The following SYNPO2 variants were observed in gnomAD, a reference collection of about 807,000 sequenced individuals.
SYNPO2 encodes synaptopodin-2.
SYNPO2 carries 56 observed loss-of-function variants against 85.0 expected under a neutral mutation model. The ratio of observed to expected loss-of-function variants is 0.66; its 90% CI spans 0.53 to 0.82. The LOEUF (loss-of-function observed/expected upper bound fraction) is 0.82, where lower values mean the gene tolerates loss of function less well. SYNPO2 is among the 40% of genes least tolerant of loss of function. The probability of loss-of-function intolerance (pLI) is 0.00; values close to 1 mark genes in which losing one functional copy is unlikely to be tolerated. For synonymous variants in SYNPO2, 602 were observed against 591.1 expected (o/e 1.02, Z -0.27); for missense variants, 1,575 against 1,534.2 (o/e 1.03, Z -0.44).
At chr4:118,937,035 C>A (rs1231970913) in intron 1 of SYNPO2, among the ~76,000 whole-genome samples, 3 of 152,174 alleles carry the variant, frequency 2.0e-5, no homozygotes, top group African/African-American at 7.2e-5. Context: ...GGGACTCCTG[C>A]AATGACCCCC....
chr4:118,900,289 G>A (rs1270190222), intron 1 of SYNPO2, among the ~76,000 whole-genome samples: 3 of 152,070 alleles, frequency 2.0e-5, no homozygotes, highest in Non-Finnish European at 4.4e-5. Context: ...TAAAATATAT[G>A]TCAGGTGACC....
At chr4:118,966,488 C>G (rs1306792294) in intron 1 of SYNPO2, among the ~76,000 whole-genome samples, 1 of 152,100 alleles carries the variant, frequency 6.6e-6, no homozygotes, top group Non-Finnish European at 1.5e-5. Context: ...AGGACTTCTT[C>G]TATATAATCT....
intron 1 of SYNPO2, among the ~76,000 whole-genome samples, chr4:118,998,350 CAA>C (rs1035620416): frequency 1.3e-5 from 2 of 152,062 alleles, no homozygotes; most frequent in Non-Finnish European, 2.9e-5. Flanking sequence ...GGTGAACAAA[CAA>C]AAGAGAATTA....
At position 119,059,739 on chromosome 4, in the gene SYNPO2, G is replaced by A. The variant is rs1739348067; in HGVS notation, c.*1805G>A. 1 of 150,340 alleles carries A rather than the reference G, an allele frequency of 6.7e-6. No individual in the cohort carries two copies. The highest frequency in any genetic ancestry group is 6.6e-5 in the Admixed American group (1 of 15,142). 9.3% of individuals were successfully genotyped at this position (150,340 alleles called of 1,614,324 possible). On this transcript the variant is annotated 3_prime_UTR_variant, in exon 5 of 5. Coordinates refer to ENST00000307142, the MANE Select transcript of SYNPO2 (RefSeq NM_133477.3). Reference sequence around the variant, plus strand: ...GTGCAAGTGACCAAGGCCTTATCTTGAAAGTTAAAAAAAAAAAGTAAAGAA... The same window carrying A: ...GTGCAAGTGACCAAGGCCTTATCTTAAAAGTTAAAAAAAAAAAGTAAAGAA...
At position 118,896,930 on chromosome 4, in the gene SYNPO2, A is replaced by G. The variant is rs562069996; in HGVS notation, c.105+7789A>G. On this transcript the variant is annotated intron_variant, in intron 1 of 4. Coordinates refer to ENST00000307142, the MANE Select transcript of SYNPO2 (RefSeq NM_133477.3). Reference sequence around the variant, plus strand: ...ACAAATGACTAGCTTCTCCTCTTGTATTTTGAAGCAGTGTGGGTGCTGGAT... The same window carrying G: ...ACAAATGACTAGCTTCTCCTCTTGTGTTTTGAAGCAGTGTGGGTGCTGGAT... Among the ~76,000 whole-genome samples the G allele has an allele frequency of 9.2e-5, 14 of 151,700 alleles. No homozygotes were observed. The South Asian group carries it at 2.1e-3, about 23-fold the overall frequency.
Position 118,900,914 on chromosome 4 carries a change from A to T in SYNPO2, c.105+11773A>T, listed in dbSNP as rs555803621. Among the ~76,000 whole-genome samples, 341 of 151,848 alleles carry T rather than the reference A, an allele frequency of 2.2e-3. 1 individual carries two copies. Among genetic ancestry groups the T allele is most frequent in the Non-Finnish European group, 3.4e-3 (233 of 67,912 alleles). Reference sequence around the variant, plus strand: ...ATACTTTTGAGAACTTATCTCCAGTATCTTTCTTTCTTGGATTCCCAGAGA... The same window carrying T: ...ATACTTTTGAGAACTTATCTCCAGTTTCTTTCTTTCTTGGATTCCCAGAGA... On this transcript the variant is annotated intron_variant, in intron 1 of 4. Coordinates refer to ENST00000307142, the MANE Select transcript of SYNPO2 (RefSeq NM_133477.3).
intron 4 of SYNPO2, chr4:119,033,573 G>A: frequency 1.0e-6 from 1 of 985,410 alleles, no homozygotes; most frequent in Non-Finnish European, 1.2e-6. Flanking sequence ...CTCTATGCAG[G>A]AGATATGTTT....
At chr4:119,024,291 T>G (rs1336939070) in intron 2 of SYNPO2, among the ~76,000 whole-genome samples, 2 of 152,186 alleles carry the variant, frequency 1.3e-5, no homozygotes, top group East Asian at 3.9e-4. Flanking sequence ...CACAGTACAA[T>G]CCATACTGAT....
chr4:119,050,550 C>T (rs139819648), intron 4 of SYNPO2, among the ~76,000 whole-genome samples: 8 of 152,194 alleles, frequency 5.3e-5, no homozygotes, highest in East Asian at 1.9e-4. Flanking sequence ...GGGGTTGTGA[C>T]GATTACGTGA....
intron 1 of SYNPO2, among the ~76,000 whole-genome samples, chr4:119,014,953 C>T (rs767677270): frequency 1.4e-4 from 22 of 152,190 alleles, no homozygotes; most frequent in Non-Finnish European, 2.9e-5. Context: ...CAGTACCCTA[C>T]TACAGTAAAT....
At chr4:119,050,300 C>G (rs1362074778) in intron 4 of SYNPO2, among the ~76,000 whole-genome samples, 6 of 151,990 alleles carry the variant, frequency 3.9e-5, no homozygotes, top group Admixed American at 2.0e-4. Context: ...CCACTGTACT[C>G]CAACCTGGGT....
chr4:118,993,136 T>C (rs1359036837), intron 1 of SYNPO2, among the ~76,000 whole-genome samples: 2 of 152,208 alleles, frequency 1.3e-5, no homozygotes, highest in African/African-American at 4.8e-5. Context: ...TTACTTACAT[T>C]GTCAATTAAA....
intron 4 of SYNPO2, among the ~76,000 whole-genome samples, chr4:119,047,699 G>A (rs762413735): frequency 3.9e-5 from 6 of 152,082 alleles, no homozygotes; most frequent in South Asian, 2.1e-4. Context: ...TCAAGGGAGC[G>A]TTTGTTTTAT....
rs1739341453 is a variant in SYNPO2, at chr4:119,059,591, C to T, written c.*1657C>T. 1 of 151,992 alleles carries T rather than the reference C, an allele frequency of 6.6e-6. No individual in the cohort carries two copies. The highest frequency in any genetic ancestry group is 6.6e-5 in the Admixed American group (1 of 15,252). The allele number at this position is 151,992 out of a possible 1,614,324, so 9.4% of individuals were successfully genotyped here. ...AAACCATCTTAAGTATTCAAAATTT[C>T]CTTGGTTTTTTAAAGGTGATAATTT... On this transcript the variant is annotated 3_prime_UTR_variant, in exon 5 of 5. Transcript: ENST00000307142.
intron 1 of SYNPO2, among the ~76,000 whole-genome samples, chr4:118,974,801 G>T (rs1202990359): frequency 6.6e-6 from 1 of 152,110 alleles, no homozygotes; most frequent in Non-Finnish European, 1.5e-5. Context: ...GGTGCAGTTT[G>T]CTTCAAATGT....
intron 4 of SYNPO2, among the ~76,000 whole-genome samples, chr4:119,051,243 G>A (rs1194888608): frequency 7.9e-6 from 1 of 125,918 alleles, no homozygotes; most frequent in Non-Finnish European, 1.6e-5. Context: ...AGGCTGGAGT[G>A]CAGTGGCGGG....
At chr4:118,964,012 T>C (rs1440127098) in intron 1 of SYNPO2, among the ~76,000 whole-genome samples, 1 of 152,132 alleles carries the variant, frequency 6.6e-6, no homozygotes, top group East Asian at 1.9e-4. Context: ...TTGCATCCTA[T>C]TAGGACGTAC....
intron 1 of SYNPO2, among the ~76,000 whole-genome samples, chr4:118,906,556 C>T (rs1264895811): frequency 6.6e-6 from 1 of 151,998 alleles, no homozygotes; most frequent in Non-Finnish European, 1.5e-5. Flanking sequence ...AAAGAAAATG[C>T]CCATGAGTGG....
chr4:118,919,071 A>C (rs1733449532), intron 1 of SYNPO2, among the ~76,000 whole-genome samples: 1 of 152,204 alleles, frequency 6.6e-6, no homozygotes, highest in South Asian at 2.1e-4. Context: ...TTCCTAATGA[A>C]TATATGCTTT....
Sources: gnomAD v4.1 joint callset for allele counts (sites outside exome capture counted in the v4.1 genomes callset) on GRCh38, gnomAD v4.1.1 for gene constraint, MANE v1.5 for transcripts, NCBI Gene and HGNC (gene_info 2026-07-23, HGNC 2026-07-21) for gene names.